The following SNED1 variants were observed in gnomAD, a reference collection of about 807,000 sequenced individuals.
SNED1 encodes sushi, nidogen and EGF like domains 1.
SNED1 carries 81 observed loss-of-function variants against 166.7 expected under a neutral mutation model. The observed-to-expected ratio is 0.49, with a 90% confidence interval of 0.41 to 0.58. The LOEUF (loss-of-function observed/expected upper bound fraction) is 0.58. Among genes scored for constraint, SNED1 ranks in the 20% least tolerant of loss-of-function variants. The pLI is 0.00. For synonymous variants in SNED1, 762 were observed against 822.0 expected, an observed-to-expected ratio of 0.93 and a Z score of 1.25; for missense variants, 1,604 against 2,000.2, an observed-to-expected ratio of 0.80 and a Z score of 3.78.
At chr2:241,088,279 C>CA in intron 30 of SNED1, 86 bp from the exon 31 acceptor site, 1 of 934,090 alleles carries the variant, frequency 1.1e-6, no homozygotes, top group Non-Finnish European at 1.8e-6. Flanking sequence ...GACAGGATCT[C>CA]AGCAGGCAGC....
chr2:241,040,435 G>A (rs763994915), intron 8 of SNED1, 22 bp downstream of exon 8: 2 of 1,465,404 alleles, frequency 1.4e-6, no homozygotes, highest in African/African-American at 1.4e-5. Context: ...AGTGCCTGCA[G>A]GCCACCATGG....
At chr2:241,045,539 A>G (rs2061622896) in intron 8 of SNED1, among the ~76,000 whole-genome samples, 1 of 152,176 alleles carries the variant, frequency 6.6e-6, no homozygotes, top group Non-Finnish European at 1.5e-5. Context: ...TTTAAATCCA[A>G]TGGAGAAATG....
chr2:241,055,944 T>C (rs2062027605), intron 16 of SNED1, among the ~76,000 whole-genome samples: 1 of 152,234 alleles, frequency 6.6e-6, no homozygotes, highest in African/African-American at 2.4e-5. Flanking sequence ...ACAGGTCAGC[T>C]ACTCAGCTTC....
At position 241,094,513 on chromosome 2, in the gene SNED1, G is replaced by C. The variant is rs907569547; in HGVS notation, c.*2877G>C. 5.1e-6 allele frequency: 2 copies of C among 395,520 alleles called. No homozygotes were observed. Among genetic ancestry groups the C allele is most frequent in the Non-Finnish European group, 1.0e-5 (2 of 193,424 alleles). The allele number at this position is 395,520 out of a possible 1,614,324, so 24.5% of individuals were successfully genotyped here. A position where few individuals can be genotyped will look rare whatever the true frequency, so the allele number is the denominator to read the frequency against. Reference sequence around the variant, plus strand: ...GCTCACACCTACCAGGGGTATTCCAGTGCATAGGGGAAAGGAACCCGGCTG... The same window carrying C: ...GCTCACACCTACCAGGGGTATTCCACTGCATAGGGGAAAGGAACCCGGCTG... On this transcript the variant is annotated 3_prime_UTR_variant, in exon 32 of 32. Transcript: ENST00000310397. This position sits in a 1 kb window ranked among gnomAD's most constrained non-coding sequence, Gnocchi z 4.3.
rs374943499 is a variant in SNED1 at position 241,070,211 on chromosome 2, G to T, written c.3589+10G>T. 317 of 1,597,134 alleles carry T rather than the reference G, an allele frequency of 2.0e-4. 1 individual carries two copies. The African/African-American group carries it at 3.8e-3, about 19-fold the overall frequency. ...CTCTACATCATCACCTGTGAGTGCCGTGGGCCCTGCGCGTGGGCGGGGCCA... is the reference window on the plus strand; with the variant it reads ...CTCTACATCATCACCTGTGAGTGCCTTGGGCCCTGCGCGTGGGCGGGGCCA... On this transcript the variant is annotated intron_variant, in intron 24 of 31. Transcript: ENST00000310397.
intron 16 of SNED1, among the ~76,000 whole-genome samples, chr2:241,062,579 C>A (rs1488250501): frequency 6.6e-6 from 1 of 152,162 alleles, no homozygotes; most frequent in African/African-American, 2.4e-5. Flanking sequence ...GTTTCAAGCC[C>A]GCCCTGCTGC....
At chr2:241,061,894 A>C (rs969959136) in intron 16 of SNED1, among the ~76,000 whole-genome samples, 4 of 152,026 alleles carry the variant, frequency 2.6e-5, no homozygotes, top group Non-Finnish European at 5.9e-5. Context: ...AAAAAGGAAA[A>C]AGTCTAGAAC....
chr2:241,071,657 G>T lies in SNED1; in HGVS notation c.3671G>T (p.Arg1224Leu). 1 of 1,566,082 alleles carries T rather than the reference G, an allele frequency of 6.4e-7. No homozygotes were observed. The highest frequency in any genetic ancestry group is 8.6e-7 in the Non-Finnish European group (1 of 1,162,874). ...RVLKNRPPPA[R>L]LPELRLLNDH... is the part of the protein sequence containing the mutation. The stretch of plus-strand genomic sequence containing the variant: ...CTCAAGAACAGACCGCCCCCGGCGC[G>T]CCTGCCGGAGCTGCGCCTGCTCAAT... The change falls in exon 25 of 32, where the codon CGC becomes CTC. Residue 1224 changes from arginine (R) to leucine (L), a missense_variant. By Grantham distance (102) the Arg-to-Leu change is moderately radical (BLOSUM62 -2). Coordinates refer to ENST00000310397, the MANE Select transcript of SNED1 (RefSeq NM_001080437.3).
In SNED1 at chr2:241,073,703, C is replaced by T. The variant is rs1575073203; in HGVS notation, c.3916+339C>T. 4.4e-6 allele frequency: 2 copies of T among 454,452 alleles called. No homozygotes were observed. Among genetic ancestry groups the T allele is most frequent in the East Asian group, 3.3e-5 (1 of 30,228 alleles). 28.2% of individuals were successfully genotyped at this position (454,452 alleles called of 1,614,324 possible). Reference sequence around the variant, plus strand: ...CCACCCCAGCCCCTGCCTCTGGGCCCCTCACCCCTCACTTCTCCAAAGAGG... The same window carrying T: ...CCACCCCAGCCCCTGCCTCTGGGCCTCTCACCCCTCACTTCTCCAAAGAGG... On this transcript the variant is annotated intron_variant, in intron 27 of 31. Transcript: ENST00000310397. This position sits in a 1 kb window ranked among gnomAD's most constrained non-coding sequence, Gnocchi z 6.6.
intron 1 of SNED1, among the ~76,000 whole-genome samples, chr2:241,023,484 T>TAA (rs11410258): frequency 0.01 from 1,568 of 150,050 alleles, 8 homozygotes; most frequent in African/African-American, 0.025. Context: ...CAATATGTGG[T>TAA]AAAAAAAAAA....
chr2:241,074,903 C>T (rs558234356), intron 27 of SNED1: 1 of 152,132 alleles, frequency 6.6e-6, no homozygotes, highest in Admixed American at 6.5e-5. Flanking sequence ...AACTTTGTGC[C>T]TAGAATTCCT....
At position 241,068,887 on chromosome 2, in the gene SNED1, C is replaced by G. The variant is rs1338956929; in HGVS notation, c.3195-24C>G. The G allele has an allele frequency of 2.7e-6, 4 of 1,499,982 alleles. No individual in the cohort carries two copies. In the African/African-American group the frequency reaches 5.6e-5, roughly 21 times the overall value. 92.9% of individuals were successfully genotyped at this position (1,499,982 alleles called of 1,614,324 possible). On this transcript the variant is annotated intron_variant, in intron 22 of 31. Coordinates refer to ENST00000310397, the MANE Select transcript of SNED1 (RefSeq NM_001080437.3). This position sits in a 1 kb window ranked among gnomAD's most constrained non-coding sequence, Gnocchi z 5.3. Reference sequence around the variant, plus strand: ...CACAGGTCCCAGACATCCCTGTTCTCTCTTTGTCACCTCCTGCCCACAGGG... The same window carrying G: ...CACAGGTCCCAGACATCCCTGTTCTGTCTTTGTCACCTCCTGCCCACAGGG...
intron 4 of SNED1, among the ~76,000 whole-genome samples, chr2:241,036,082 A>G (rs1188218946): frequency 6.3e-5 from 1 of 15,930 alleles, no homozygotes; most frequent in Non-Finnish European, 1.2e-4. Context: ...TGGGGGGTGG[A>G]GGCGCATCAC....
rs192143839 is a variant in SNED1 at position 241,069,939 on chromosome 2, C to T, written c.3327C>T (p.Asn1109=). 1,115 of 1,612,710 alleles carry T rather than the reference C, an allele frequency of 6.9e-4. 13 individuals are homozygous for T. In the East Asian group the frequency reaches 0.016, roughly 23 times the overall value. The change falls in exon 24 of 32, where the codon AAC becomes AAT. Residue 1109 remains asparagine, a synonymous_variant. Coordinates refer to ENST00000310397, the MANE Select transcript of SNED1 (RefSeq NM_001080437.3). The surrounding 1 kb of genome is among the most constrained non-coding windows in gnomAD (Gnocchi z 4.9). Reference sequence around the variant, plus strand: ...ATCCAGGGCCCCTGCCTCCAGCAAACCTGACCGCCGCCCGAGTCACTGCCA... The same window carrying T: ...ATCCAGGGCCCCTGCCTCCAGCAAATCTGACCGCCGCCCGAGTCACTGCCA... ...HVWTRPLPPA[N]LTAARVTATS...
Position 241,051,646 on chromosome 2 carries a change from CCAGCACCAGAG to C in SNED1, c.1736-97_1736-87del, listed in dbSNP as rs545761816. ...CCAGGGCTTCGTCGAGAAGGCCCCA[CCAGCACCAGAG>C]GACTGAGGAGATGCCAGGAGGGTAT... is the stretch of plus-strand genomic sequence containing the variant. On this transcript the variant is annotated intron_variant, in intron 12 of 31. Coordinates refer to ENST00000310397, the MANE Select transcript of SNED1 (RefSeq NM_001080437.3). The surrounding 1 kb of genome is among the most constrained non-coding windows in gnomAD (Gnocchi z 4.7). 220 of 993,612 alleles carry C rather than the reference CCAGCACCAGAG, an allele frequency of 2.2e-4. 1 individual carries two copies. The African/African-American group carries it at 3.2e-3, about 14-fold the overall frequency. 61.5% of individuals were successfully genotyped at this position (993,612 alleles called of 1,614,324 possible).
intron 1 of SNED1, among the ~76,000 whole-genome samples, chr2:241,022,617 C>T: frequency 6.6e-6 from 1 of 152,150 alleles, no homozygotes. Flanking sequence ...TCTCCCCACC[C>T]CACACCACTG....
At chr2:241,017,474 A>G (rs1383534404) in intron 1 of SNED1, among the ~76,000 whole-genome samples, 2 of 152,254 alleles carry the variant, frequency 1.3e-5, no homozygotes, top group African/African-American at 2.4e-5. Context: ...GCGACGGTTC[A>G]TCCCTCAAGG....
upstream of SNED1, among the ~76,000 whole-genome samples, chr2:240,998,153 C>A (rs927755684): frequency 1.3e-4 from 20 of 152,264 alleles, no homozygotes; most frequent in Non-Finnish European, 2.2e-4. Context: ...CCGGCCCGGG[C>A]TCTTCCTCAC....
chr2:241,051,566 C>T lies in SNED1; in HGVS notation c.1736-178C>T. 1 of 464,070 alleles carries T rather than the reference C, an allele frequency of 2.2e-6. No homozygotes were observed. Among genetic ancestry groups the T allele is most frequent in the Non-Finnish European group, 3.8e-6 (1 of 265,476 alleles). The allele number at this position is 464,070 out of a possible 1,614,324, so 28.7% of individuals were successfully genotyped here. On this transcript the variant is annotated intron_variant, in intron 12 of 31. Coordinates refer to ENST00000310397, the MANE Select transcript of SNED1 (RefSeq NM_001080437.3). This position sits in a 1 kb window ranked among gnomAD's most constrained non-coding sequence, Gnocchi z 4.7. ...GTTGGGGTCTCCAGCCTGTGAGCCC[C>T]ACCCCAGCCCCCACCATGTGTGCGG...
Sources: allele counts gnomAD v4.1 joint callset (sites outside exome capture counted in the v4.1 genomes callset), GRCh38; gene constraint gnomAD v4.1.1; non-coding constraint Gnocchi (gnomAD v3.1); transcripts MANE v1.5; gene names NCBI Gene and HGNC (gene_info 2026-07-23, HGNC 2026-07-21).